The following ERBB4 variants were observed in gnomAD, a reference collection of about 807,000 sequenced individuals.
ERBB4 encodes receptor tyrosine-protein kinase erbB-4.
In ERBB4, 42 loss-of-function variants were observed where a neutral mutation model predicts 158.0. The ratio of observed to expected loss-of-function variants is 0.27; its 90% CI spans 0.21 to 0.34. The LOEUF (loss-of-function observed/expected upper bound fraction) is 0.34. Ranked by LOEUF, ERBB4 falls within the 10% of genes least tolerant of loss-of-function variation. ERBB4 has a pLI of 1.00. For synonymous variants in ERBB4, 583 were observed against 558.7 expected (o/e 1.04, Z -0.61); for missense variants, 1,333 against 1,624.1 (o/e 0.82, Z 3.08).
rs980516804 is a variant in ERBB4, at chr2:211,732,848, G to A, written c.623-7654C>T. On this transcript the variant is annotated intron_variant, in intron 5 of 27. Transcript: ENST00000342788. Reference sequence around the variant, plus strand: ...AAAAATTAGCCAGGCATGGTGGCGCGCACCTGTAATCCCAGCTACTCAGGA... The same window carrying A: ...AAAAATTAGCCAGGCATGGTGGCGCACACCTGTAATCCCAGCTACTCAGGA... 1.8e-4 allele frequency among the ~76,000 whole-genome samples: 27 copies of A among 152,238 alleles called. No homozygotes were observed. The Middle Eastern group carries it at 0.01, about 58-fold the overall frequency.
chr2:212,422,493 G>A (rs1328286890), intron 1 of ERBB4, among the ~76,000 whole-genome samples: 2 of 132,868 alleles, frequency 1.5e-5, no homozygotes, highest in Admixed American at 1.5e-4. Flanking sequence ...GTGAGACTTG[G>A]ACTCAAAACA....
chr2:212,461,163 C>A (rs1336788408), intron 1 of ERBB4, among the ~76,000 whole-genome samples: 1 of 152,188 alleles, frequency 6.6e-6, no homozygotes, highest in Non-Finnish European at 1.5e-5. Context: ...TGGGGCACCA[C>A]CTAGTGGAGC....
chr2:212,528,639 AG>A (rs1248367942), intron 1 of ERBB4, among the ~76,000 whole-genome samples: 1 of 152,222 alleles, frequency 6.6e-6, no homozygotes, highest in African/African-American at 2.4e-5. Flanking sequence ...ATATAAATTA[AG>A]GTACAATTAG....
intron 1 of ERBB4, among the ~76,000 whole-genome samples, chr2:212,445,926 CAT>C (rs1182141109): frequency 6.6e-6 from 1 of 152,214 alleles, no homozygotes; most frequent in Admixed American, 6.5e-5. Context: ...TTGCTGAAAA[CAT>C]GTTTGTGTAT....
At chr2:212,488,318 CCTCTCTCT>C (rs67659068) in intron 1 of ERBB4, among the ~76,000 whole-genome samples, 4 of 115,778 alleles carry the variant, frequency 3.5e-5, no homozygotes, top group Non-Finnish European at 7.2e-5. Context: ...TTTCCTCGCT[CCTCTCTCT>C]CTCTCTCTCT....
chr2:211,618,540 C>G (rs977645849), intron 19 of ERBB4, among the ~76,000 whole-genome samples: 2 of 152,060 alleles, frequency 1.3e-5, no homozygotes, highest in Admixed American at 6.6e-5. Flanking sequence ...GATACCTACT[C>G]AAGCTTGGCT....
intron 20 of ERBB4, among the ~76,000 whole-genome samples, chr2:211,555,942 G>A (rs1003725587): frequency 2.6e-5 from 4 of 152,120 alleles, no homozygotes; most frequent in African/African-American, 9.7e-5. Flanking sequence ...CTAACATCAC[G>A]ATGACAGGAT....
At chr2:211,603,461 AT>A (rs1362122048) in intron 19 of ERBB4, among the ~76,000 whole-genome samples, 1 of 152,230 alleles carries the variant, frequency 6.6e-6, no homozygotes, top group African/African-American at 2.4e-5. Context: ...CTGAAAAAAA[AT>A]CATCCATTAC....
At chr2:211,815,553 C>G (rs948972348) in intron 3 of ERBB4, among the ~76,000 whole-genome samples, 2 of 152,104 alleles carry the variant, frequency 1.3e-5, no homozygotes, top group Non-Finnish European at 2.9e-5. Context: ...CTCAAATATT[C>G]CACTTTTAAG....
intron 1 of ERBB4, among the ~76,000 whole-genome samples, chr2:212,334,853 C>T (rs1188866136): frequency 6.6e-6 from 1 of 151,910 alleles, no homozygotes; most frequent in Non-Finnish European, 1.5e-5. Context: ...GTTGAGAAAA[C>T]ATAAATTCCA....
At chr2:212,145,796 T>C (rs532984835) in intron 1 of ERBB4, among the ~76,000 whole-genome samples, 1 of 151,848 alleles carries the variant, frequency 6.6e-6, no homozygotes, top group Admixed American at 6.6e-5. Context: ...CTTATCGTCT[T>C]ATTTTTTTCT....
chr2:212,014,912 G>T (rs949623095), intron 2 of ERBB4, among the ~76,000 whole-genome samples: 4 of 150,404 alleles, frequency 2.7e-5, no homozygotes, highest in Non-Finnish European at 5.9e-5. Flanking sequence ...TTTTTCTTCA[G>T]CCAGGCGCAG....
intron 10 of ERBB4, 73 bp downstream of exon 10, chr2:211,705,245 C>G: frequency 9.5e-7 from 1 of 1,050,088 alleles, no homozygotes; most frequent in Non-Finnish European, 1.5e-6. Context: ...AGCCACGATG[C>G]CCAGTCAATC....
chr2:212,449,419 G>C (rs887519240), intron 1 of ERBB4, among the ~76,000 whole-genome samples: 7 of 152,010 alleles, frequency 4.6e-5, no homozygotes, highest in African/African-American at 1.7e-4. Context: ...TTATATAATA[G>C]CAAGTAAATT....
intron 25 of ERBB4, among the ~76,000 whole-genome samples, chr2:211,417,207 T>TCA (rs2063412958): frequency 6.6e-6 from 1 of 152,162 alleles, no homozygotes; most frequent in Admixed American, 6.5e-5. Flanking sequence ...GCATGGTGGC[T>TCA]CACACTTGTA....
At chr2:212,234,775 T>C (rs150405546) in intron 1 of ERBB4, among the ~76,000 whole-genome samples, 2,024 of 152,344 alleles carry the variant, frequency 0.013, 31 homozygotes, top group African/African-American at 0.046. Context: ...TGCATAAATG[T>C]CTTCTTTTGA....
At chr2:212,178,346 G>A (rs10497961) in intron 1 of ERBB4, among the ~76,000 whole-genome samples, 11,305 of 151,692 alleles carry the variant, frequency 0.075, 424 homozygotes, top group African/African-American at 0.1. Context: ...GACAAGAGAT[G>A]ATGTTAGGGC....
At chr2:212,122,324 A>G (rs2079780719) in intron 2 of ERBB4, among the ~76,000 whole-genome samples, 1 of 152,038 alleles carries the variant, frequency 6.6e-6, no homozygotes, top group Non-Finnish European at 1.5e-5. Flanking sequence ...ATACATAAGT[A>G]CTGCATATGA....
chr2:211,420,638 C>CAAAT (rs1232990245), intron 24 of ERBB4, 27 bp from the exon 25 acceptor site: 2 of 1,590,108 alleles, frequency 1.3e-6, no homozygotes, highest in Non-Finnish European at 1.7e-6. Context: ...CCATCAGACA[C>CAAAT]AAATATGATT....
Sources: allele counts gnomAD v4.1 joint callset (sites outside exome capture counted in the v4.1 genomes callset), GRCh38; gene constraint gnomAD v4.1.1; transcripts MANE v1.5; gene names NCBI Gene and HGNC (gene_info 2026-07-23, HGNC 2026-07-21).